KIAA1549L: variants seen among roughly 807,000 people sequenced by gnomAD.
KIAA1549L encodes the protein UPF0606 protein KIAA1549L.
KIAA1549L carries 88 observed loss-of-function variants against 160.7 expected under a neutral mutation model. The ratio of observed to expected loss-of-function variants is 0.55; its 90% CI spans 0.46 to 0.65. The LOEUF (loss-of-function observed/expected upper bound fraction) is 0.65, where lower values mean the gene tolerates loss of function less well. Among genes scored for constraint, KIAA1549L ranks in the 30% least tolerant of loss-of-function variants. The pLI is 0.00. For missense variants in KIAA1549L, 2,258 were observed against 2,437.5 expected, an observed-to-expected ratio of 0.93 and a Z score of 1.55; for synonymous variants, 950 against 976.7, an observed-to-expected ratio of 0.97 and a Z score of 0.51.
intron 3 of KIAA1549L, among the ~76,000 whole-genome samples, chr11:33,547,439 T>C (rs987672063): frequency 2.0e-5 from 3 of 152,182 alleles, no homozygotes; most frequent in Non-Finnish European, 4.4e-5. Flanking sequence ...AAGGAGGCTG[T>C]CCATGAATGT....
At chr11:33,647,369 C>G (rs1294204100) in intron 17 of KIAA1549L, among the ~76,000 whole-genome samples, 10 of 97,852 alleles carry the variant, frequency 1.0e-4, no homozygotes, top group Non-Finnish European at 1.5e-4. Flanking sequence ...CAGTAAGACT[C>G]TGTCTCAAAA....
chr11:33,408,781 C>CA (rs71034683), intron 1 of KIAA1549L, among the ~76,000 whole-genome samples: 44,814 of 115,042 alleles, frequency 0.39, 8,549 homozygotes, highest in Non-Finnish European at 0.44. Context: ...ACTAAAAATA[C>CA]AAAAAAAAAA....
intron 1 of KIAA1549L, among the ~76,000 whole-genome samples, chr11:33,492,321 C>T (rs1051728424): frequency 1.3e-5 from 2 of 152,040 alleles, no homozygotes; most frequent in African/African-American, 2.4e-5. Flanking sequence ...TAGCTGAGAT[C>T]GTGCCACTGC....
chr11:33,542,475 A>G lies in KIAA1549L; in HGVS notation c.912A>G (p.Gln304=). 3 of 1,612,994 alleles carry G rather than the reference A, an allele frequency of 1.9e-6. No individual in the cohort carries two copies. Among genetic ancestry groups the G allele is most frequent in the Non-Finnish European group, 2.5e-6 (3 of 1,179,384 alleles). ...ATGAAATGGACCACACTGCATCCCA[A>G]AATGCCCAGGATCTCATAGGCATCC... ...FSDEMDHTAS[Q]NAQDLIGIPH... is the part of the protein sequence containing the mutation. Residue 304 remains glutamine, a synonymous_variant, in exon 2 of 21, where the codon CAA becomes CAG. Transcript: ENST00000658780.
intron 20 of KIAA1549L, among the ~76,000 whole-genome samples, chr11:33,663,505 T>G (rs1198067407): frequency 1.3e-5 from 2 of 152,152 alleles, no homozygotes; most frequent in African/African-American, 2.4e-5. Context: ...GATACTCCAG[T>G]GGGATCAGGT....
At chr11:33,435,790 A>ATGTGTGTGTGTGTGTGTG (rs1210337486) in intron 1 of KIAA1549L, among the ~76,000 whole-genome samples, 1 of 26,088 alleles carries the variant, frequency 3.8e-5, no homozygotes, top group African/African-American at 1.3e-4. Context: ...ATATATATAT[A>ATGTGTGTGTGTGTGTGTG]TATATATATA....
At chr11:33,513,311 G>A (rs931764748) in intron 1 of KIAA1549L, among the ~76,000 whole-genome samples, 4 of 152,302 alleles carry the variant, frequency 2.6e-5, no homozygotes, top group African/African-American at 9.6e-5. Flanking sequence ...TAGAGGTGGC[G>A]ATGGTTTTTT....
At chr11:33,639,642 C>T (rs921639683) in intron 16 of KIAA1549L, among the ~76,000 whole-genome samples, 38 of 152,144 alleles carry the variant, frequency 2.5e-4, no homozygotes, top group African/African-American at 7.7e-4. Flanking sequence ...CGGGCTCAAG[C>T]GATTCTCCTG....
chr11:33,421,303 T>C (rs1456394062), intron 1 of KIAA1549L, among the ~76,000 whole-genome samples: 1 of 134,348 alleles, frequency 7.4e-6, no homozygotes, highest in African/African-American at 2.8e-5. Context: ...GATTATGGGG[T>C]GGGGGTGAGC....
At chr11:33,631,158 A>C (rs1282740159) in intron 16 of KIAA1549L, among the ~76,000 whole-genome samples, 1 of 152,126 alleles carries the variant, frequency 6.6e-6, no homozygotes, top group Admixed American at 6.5e-5. Context: ...TCTAAAACAC[A>C]CACTCTTGTT....
In KIAA1549L at chr11:33,671,340, G is replaced by A. The variant is rs1216511591; in HGVS notation, c.*3186G>A. On this transcript the variant is annotated 3_prime_UTR_variant, in exon 21 of 21. Transcript: ENST00000658780. ...GAGTCCATGCTCTGCATCAGGGGAG[G>A]TGCAGTAAAGGTCCATTGTGTGGCT... 1.3e-5 allele frequency: 2 copies of A among 152,140 alleles called. No individual in the cohort carries two copies. The highest frequency in any genetic ancestry group is 1.9e-4 in the East Asian group (1 of 5,198). The allele number at this position is 152,140 out of a possible 1,614,324, so 9.4% of individuals were successfully genotyped here.
intron 16 of KIAA1549L, among the ~76,000 whole-genome samples, chr11:33,624,755 CT>C (rs144470196): frequency 0.045 from 6,445 of 141,726 alleles, 457 homozygotes; most frequent in African/African-American, 0.15. Context: ...TTAATTTTTG[CT>C]TTTTTTTTAT....
At chr11:33,480,884 G>A (rs1371228840) in intron 1 of KIAA1549L, among the ~76,000 whole-genome samples, 2 of 152,212 alleles carry the variant, frequency 1.3e-5, no homozygotes, top group Admixed American at 6.5e-5. Context: ...ACATCACGTG[G>A]ATGTAGGAGT....
chr11:33,491,833 C>G (rs1852670271), intron 1 of KIAA1549L, among the ~76,000 whole-genome samples: 1 of 152,168 alleles, frequency 6.6e-6, no homozygotes. Flanking sequence ...TGACAAACCA[C>G]TACTGGGACA....
chr11:33,484,642 G>A (rs1852483078), intron 1 of KIAA1549L, among the ~76,000 whole-genome samples: 1 of 151,920 alleles, frequency 6.6e-6, no homozygotes. Flanking sequence ...GCTGGACGGA[G>A]GTGAGCATCC....
intron 16 of KIAA1549L, among the ~76,000 whole-genome samples, chr11:33,622,285 A>G (rs1033614562): frequency 1.3e-5 from 2 of 152,212 alleles, no homozygotes; most frequent in African/African-American, 4.8e-5. Context: ...AAAAATGACT[A>G]TTAGGAATTA....
At chr11:33,548,159 G>A (rs938185813) in intron 4 of KIAA1549L, among the ~76,000 whole-genome samples, 2 of 152,160 alleles carry the variant, frequency 1.3e-5, no homozygotes, top group Non-Finnish European at 2.9e-5. Flanking sequence ...TAACACTTTG[G>A]GAGGCCGAGG....
chr11:33,457,441 G>T (rs1471605418), intron 1 of KIAA1549L, among the ~76,000 whole-genome samples: 1 of 152,176 alleles, frequency 6.6e-6, no homozygotes, highest in East Asian at 1.9e-4. Flanking sequence ...GTTACCCAAA[G>T]CATCTGGACC....
At chr11:33,592,167 A>G (rs1850074884) in intron 12 of KIAA1549L, among the ~76,000 whole-genome samples, 1 of 152,236 alleles carries the variant, frequency 6.6e-6, no homozygotes, top group Non-Finnish European at 1.5e-5. Flanking sequence ...TTTAGAGTTC[A>G]TAGTGGCTGG....
Sources: gnomAD v4.1 joint callset for allele counts (sites outside exome capture counted in the v4.1 genomes callset) on GRCh38, gnomAD v4.1.1 for gene constraint, MANE v1.5 for transcripts, NCBI Gene and HGNC (gene_info 2026-07-23, HGNC 2026-07-21) for gene names.